EPHX4: variants seen among roughly 807,000 people sequenced by gnomAD.
EPHX4 encodes the protein epoxide hydrolase 4.
In EPHX4, 31 loss-of-function variants were observed where a neutral mutation model predicts 44.9. The ratio of observed to expected loss-of-function variants is 0.69; its 90% CI spans 0.52 to 0.93. The LOEUF (loss-of-function observed/expected upper bound fraction) is 0.93. EPHX4 is among the 40% of genes least tolerant of loss of function. The pLI is 0.00. For missense variants in EPHX4, 373 were observed against 438.1 expected (o/e 0.85, Z 1.33); for synonymous variants, 151 against 159.7 (o/e 0.95, Z 0.41).
At position 92,063,201 on chromosome 1, in the gene EPHX4, G is replaced by C. The variant is rs1647536223; in HGVS notation, c.1004G>C (p.Ser335Thr). ...YFRLTILSEA[S>T]HWLQQDQPDI... ...AGGCTAACTATTTTGTCAGAAGCCA[G>C]TCATTGGCTTCAGCAAGACCAACCT... Residue 335 changes from serine to threonine, a missense_variant, in exon 7 of 7, where the codon AGT becomes ACT. Coordinates refer to ENST00000370383, the MANE Select transcript of EPHX4 (RefSeq NM_173567.5). The C allele has an allele frequency of 6.2e-7, 1 of 1,613,962 alleles. No individual in the cohort carries two copies. Among genetic ancestry groups the C allele is most frequent in the Admixed American group, 1.7e-5 (1 of 59,992 alleles).
At chr1:92,057,835 A>G (rs959590122) in intron 6 of EPHX4, among the ~76,000 whole-genome samples, 3 of 152,110 alleles carry the variant, frequency 2.0e-5, no homozygotes, top group African/African-American at 4.8e-5. Context: ...TCCTGACCTC[A>G]GGTGATCCAC....
At chr1:92,062,349 G>T (rs910414565) in intron 6 of EPHX4, among the ~76,000 whole-genome samples, 3 of 151,904 alleles carry the variant, frequency 2.0e-5, no homozygotes, top group Admixed American at 2.0e-4. Flanking sequence ...ACTTTGGGAG[G>T]CCGAGGCGGG....
In EPHX4 at chr1:92,032,560, T is replaced by C. The variant is rs763974214; in HGVS notation, c.287T>C (p.Met96Thr). The C allele has an allele frequency of 6.2e-7, 1 of 1,614,094 alleles. No individual in the cohort carries two copies. The highest frequency in any genetic ancestry group is 8.5e-7 in the Non-Finnish European group (1 of 1,179,952). ...VAAGERGKPL[M>T]LLLHGFPEFW... ...GCTGGAGAAAGAGGCAAACCACTTA[T>C]GCTGCTGCTTCATGGATTTCCAGAA... is the stretch of plus-strand genomic sequence containing the variant. The change falls in exon 2 of 7, where the codon ATG becomes ACG. Residue 96 changes from methionine to threonine, a missense_variant. Transcript: ENST00000370383.
chr1:92,037,990 T>A (rs1380964901), intron 2 of EPHX4, among the ~76,000 whole-genome samples: 2 of 152,228 alleles, frequency 1.3e-5, no homozygotes, highest in Admixed American at 1.3e-4. Context: ...AATGTGTACA[T>A]CAAATGTGTT....
chr1:92,056,921 T>A (rs536014690), intron 6 of EPHX4, among the ~76,000 whole-genome samples: 2 of 152,204 alleles, frequency 1.3e-5, no homozygotes, highest in African/African-American at 4.8e-5. Context: ...AGCAACAAAC[T>A]TTTAGAAAAC....
At chr1:92,040,344 T>A (rs1267446348) in intron 2 of EPHX4, among the ~76,000 whole-genome samples, 3 of 728 alleles carry the variant, frequency 4.1e-3, no homozygotes, top group East Asian at 0.17. Flanking sequence ...CTTAGCAAAT[T>A]TTTTTTTTTT....
intron 6 of EPHX4, among the ~76,000 whole-genome samples, chr1:92,058,844 T>A (rs146359426): frequency 1.8e-3 from 270 of 152,292 alleles, no homozygotes; most frequent in African/African-American, 6.3e-3. Context: ...AAGTAATACG[T>A]TTGTAGTACT....
rs759292966 is a variant in EPHX4, at chr1:92,032,493, C to A, written c.232-12C>A. 4.4e-6 allele frequency: 7 copies of A among 1,608,948 alleles called. No individual in the cohort carries two copies. The highest frequency in any genetic ancestry group is 6.0e-6 in the Non-Finnish European group (7 of 1,175,536). On this transcript the variant is annotated splice_polypyrimidine_tract_variant and intron_variant, in intron 1 of 6. Transcript: ENST00000370383. Reference sequence around the variant, plus strand: ...ACAAACATCACTAAAATTCCATGCCCTCTACTTTCAGGATTCAGGGTTAAG... The same window carrying A: ...ACAAACATCACTAAAATTCCATGCCATCTACTTTCAGGATTCAGGGTTAAG...
At chr1:92,049,811 G>A (rs1292120567) in intron 4 of EPHX4, among the ~76,000 whole-genome samples, 5 of 152,006 alleles carry the variant, frequency 3.3e-5, no homozygotes, top group African/African-American at 7.2e-5. Flanking sequence ...ATTTAAAGTG[G>A]TATAAGACCA....
rs1373706802 is a variant in EPHX4 at position 92,063,336 on chromosome 1, T to G, written c.*50T>G. ...TCTGTAATGAAATCTCTAAATAATTTTTAAAAATTGTTCATCAACTTCTTT... is the reference window on the plus strand; with the variant it reads ...TCTGTAATGAAATCTCTAAATAATTGTTAAAAATTGTTCATCAACTTCTTT... On this transcript the variant is annotated 3_prime_UTR_variant, in exon 7 of 7. Transcript: ENST00000370383. 7.4e-7 allele frequency: 1 copy of G among 1,346,692 alleles called. No homozygotes were observed. Among genetic ancestry groups the G allele is most frequent in the Admixed American group, 2.7e-5 (1 of 36,910 alleles). 83.4% of individuals were successfully genotyped at this position (1,346,692 alleles called of 1,614,324 possible).
At chr1:92,030,485 T>TGTGTGTGTGTGTGTGAGTGA (rs1326928763) in intron 1 of EPHX4, among the ~76,000 whole-genome samples, 175 bp downstream of exon 1, 7 of 138,650 alleles carry the variant, frequency 5.0e-5, no homozygotes, top group Non-Finnish European at 1.1e-4. Context: ...TGTGTGTGTG[T>TGTGTGTGTGTGTGTGAGTGA]GAGAGAGAGA....
chr1:92,058,829 A>C (rs539032269), intron 6 of EPHX4, among the ~76,000 whole-genome samples: 246 of 152,342 alleles, frequency 1.6e-3, no homozygotes, highest in African/African-American at 5.8e-3. Context: ...TTTGTATTAC[A>C]AAGTAAGTAA....
At chr1:92,034,299 CAAAA>C (rs765695521) in intron 2 of EPHX4, among the ~76,000 whole-genome samples, 5 of 52,734 alleles carry the variant, frequency 9.5e-5, no homozygotes, top group East Asian at 1.6e-3. Flanking sequence ...GATTCCGTCT[CAAAA>C]AAAAAAAAAA....
intron 2 of EPHX4, among the ~76,000 whole-genome samples, chr1:92,039,650 A>T (rs6698547): frequency 0.51 from 77,787 of 151,894 alleles, 20,509 homozygotes; most frequent in African/African-American, 0.65. Context: ...TTATTTAATT[A>T]ATTTATTTAT....
At chr1:92,031,383 T>C (rs1225339543) in intron 1 of EPHX4, among the ~76,000 whole-genome samples, 1 of 152,150 alleles carries the variant, frequency 6.6e-6, no homozygotes, top group African/African-American at 2.4e-5. Flanking sequence ...AGATTTGTTA[T>C]CTCTGTTCAA....
intron 6 of EPHX4, 116 bp from the exon 7 acceptor site, chr1:92,062,938 AC>A: frequency 1.2e-6 from 1 of 834,186 alleles, no homozygotes; most frequent in Non-Finnish European, 1.9e-6. Flanking sequence ...CACAATTTTC[AC>A]CCTTTTAGAG....
At chr1:92,038,593 C>A (rs1261867570) in intron 2 of EPHX4, among the ~76,000 whole-genome samples, 3 of 152,088 alleles carry the variant, frequency 2.0e-5, no homozygotes, top group African/African-American at 7.2e-5. Flanking sequence ...CTGAAGAGTG[C>A]ACATACAAGT....
chr1:92,034,764 C>T (rs1009645482), intron 2 of EPHX4, among the ~76,000 whole-genome samples: 4 of 151,872 alleles, frequency 2.6e-5, no homozygotes, highest in African/African-American at 4.8e-5. Flanking sequence ...GCCTCAGCCT[C>T]CCAAGTAGCT....
At chr1:92,030,430 G>A in intron 1 of EPHX4, 120 bp downstream of exon 1, 1 of 809,852 alleles carries the variant, frequency 1.2e-6, no homozygotes, top group East Asian at 2.7e-5. Context: ...CTGGCAGGAG[G>A]GGAGGAGGGG....
Sources: allele counts gnomAD v4.1 joint callset (sites outside exome capture counted in the v4.1 genomes callset), GRCh38; gene constraint gnomAD v4.1.1; transcripts MANE v1.5; gene names NCBI Gene and HGNC (gene_info 2026-07-23, HGNC 2026-07-21).